The following CDHR4 variants were observed in gnomAD, a reference collection of about 807,000 sequenced individuals.
CDHR4 encodes the protein cadherin related family member 4.
CDHR4 carries 89 observed loss-of-function variants against 88.4 expected under a neutral mutation model. The observed-to-expected ratio is 1.01, with a 90% CI of 0.85 to 1.20. The LOEUF is 1.20. Ranked by LOEUF, CDHR4 falls within the 50% of genes most tolerant of loss-of-function variation. The pLI, the probability that CDHR4 is intolerant of heterozygous loss-of-function variation, is 0.00. For synonymous variants in CDHR4, 368 were observed against 399.2 expected (o/e 0.92, Z 0.93); for missense variants, 914 against 1,007.2 (o/e 0.91, Z 1.25).
intron 1 of CDHR4, 143 bp downstream of exon 1, chr3:49,799,621 C>T (rs2081333271): frequency 1.9e-6 from 2 of 1,069,630 alleles, no homozygotes; most frequent in South Asian, 3.1e-5. Flanking sequence ...GAGGAAGTGG[C>T]CAAGAGAAGG....
At chr3:49,800,882 CAAAAAAA>C (rs765360361), upstream of CDHR4, among the ~76,000 whole-genome samples, 40 of 54,932 alleles carry the variant, frequency 7.3e-4, no homozygotes, top group Admixed American at 1.2e-3. Flanking sequence ...CCTGTCTCTA[CAAAAAAA>C]AAAAAAAAAA....
chr3:49,790,826 T>G lies in CDHR4; in HGVS notation c.*6A>C, dbSNP rs2081165192. 6 of 1,550,796 alleles carry G rather than the reference T, an allele frequency of 3.9e-6. No individual in the cohort carries two copies. Among genetic ancestry groups the G allele is most frequent in the Non-Finnish European group, 5.2e-6 (6 of 1,146,564 alleles). The stretch of plus-strand genomic sequence containing the variant: ...ATTCCACACATAGTAAGACAGCTAC[T>G]TGGCCTCAGAGCCAGCGCCGGGCTC... On this transcript the variant is annotated 3_prime_UTR_variant, in exon 19 of 19. Coordinates refer to ENST00000412678, the MANE Select transcript of CDHR4 (RefSeq NM_001007540.4).
Position 49,795,120 on chromosome 3 carries a change from G to A in CDHR4, c.1032-20C>T. 1 of 1,551,630 alleles carries A rather than the reference G, an allele frequency of 6.4e-7. No homozygotes were observed. Among genetic ancestry groups the A allele is most frequent in the East Asian group, 2.4e-5 (1 of 40,926 alleles). ...TGGGACCTGAGAGTATGCAGTGGCA[G>A]CAAGGCAGGAGTCTGGCAGTACCCT... On this transcript the variant is annotated intron_variant, in intron 8 of 18. Transcript: ENST00000412678. This position sits in a 1 kb window ranked among gnomAD's most constrained non-coding sequence, Gnocchi z 5.4.
chr3:49,795,959 T>C lies in CDHR4; in HGVS notation c.694A>G (p.Ser232Gly). 6.5e-7 allele frequency: 1 copy of C among 1,543,142 alleles called. No individual in the cohort carries two copies. The highest frequency in any genetic ancestry group is 8.7e-7 in the Non-Finnish European group (1 of 1,143,058). ...GAGCCTTACAGGAAGGAGACCTGGC[T>C]GGAGGGAACAGGCAAAACCTTCACT... The part of the protein sequence containing the change: ...VIVKVLPVPS[S>G]QVSFLEQAQN... The change falls in exon 6 of 19, where the codon AGC becomes GGC. Residue 232 changes from serine to glycine, a missense_variant. Ser to Gly is a moderately conservative substitution (Grantham distance 56, BLOSUM62 0). Coordinates refer to ENST00000412678, the MANE Select transcript of CDHR4 (RefSeq NM_001007540.4). The surrounding 1 kb of genome is among the most constrained non-coding windows in gnomAD (Gnocchi z 5.4).
intron 10 of CDHR4, 52 bp downstream of exon 10, chr3:49,794,556 G>T: frequency 7.1e-7 from 1 of 1,402,596 alleles, no homozygotes; most frequent in Non-Finnish European, 9.8e-7. Flanking sequence ...ATGGGAAGCG[G>T]GAGGACAGAA....
In CDHR4 at chr3:49,795,274, G is replaced by T. The variant is rs1342264084; in HGVS notation, c.953C>A (p.Ala318Asp). ...CATGGTGAGATTGAGCTTGGCACTGGCCCACAGCTGGCCCTGCTCAAAGGC... is the reference window on the plus strand; with the variant it reads ...CATGGTGAGATTGAGCTTGGCACTGTCCCACAGCTGGCCCTGCTCAAAGGC... Reference protein sequence around the residue: ...VKAFEQGQLWASAKLNLTMNV... With the variant: ...VKAFEQGQLWDSAKLNLTMNV... The change falls in exon 8 of 19, where the codon GCC becomes GAC. Residue 318 changes from alanine (A) to aspartate (D), a missense_variant. By Grantham distance (126) the Ala-to-Asp change is moderately radical (BLOSUM62 -2). Coordinates refer to ENST00000412678, the MANE Select transcript of CDHR4 (RefSeq NM_001007540.4). The surrounding 1 kb of genome is among the most constrained non-coding windows in gnomAD (Gnocchi z 5.4). 9 of 1,551,540 alleles carry T rather than the reference G, an allele frequency of 5.8e-6. No individual in the cohort carries two copies. The African/African-American group carries it at 9.6e-5, about 17-fold the overall frequency.
Position 49,798,999 on chromosome 3 carries a change from C to T in CDHR4, c.398G>A (p.Ser133Asn). The T allele has an allele frequency of 6.2e-7, 1 of 1,609,514 alleles. No individual in the cohort carries two copies. The highest frequency in any genetic ancestry group is 8.5e-7 in the Non-Finnish European group (1 of 1,178,128). The change falls in exon 3 of 19, where the codon AGC becomes AAC. Residue 133 changes from serine to asparagine, a missense_variant. Ser to Asn is a conservative substitution (Grantham distance 46). Transcript: ENST00000412678. Reference sequence around the variant, plus strand: ...CCGGCTGCCCCTGGCCTCACCTGGGCTGGCAAATTGACCAGCACACTGGAT... The same window carrying T: ...CCGGCTGCCCCTGGCCTCACCTGGGTTGGCAAATTGACCAGCACACTGGAT... ...SHIQCAGQFA[S>N]PAGEMIQVPE...
At chr3:49,801,591 TC>T (rs1559426389), upstream of CDHR4, among the ~76,000 whole-genome samples, 1 of 152,226 alleles carries the variant, frequency 6.6e-6, no homozygotes, top group Non-Finnish European at 1.5e-5. Context: ...CCATAAATGA[TC>T]ATTGGATTTT....
At position 49,795,796 on chromosome 3, in the gene CDHR4, C is replaced by T. The variant is rs1461779134; in HGVS notation, c.711-32G>A. ...CAAAAGGGGGGCACTGGTTCCTGCC[C>T]ATTCCTGCTCAACCTGTGGGTCCAC... On this transcript the variant is annotated intron_variant, in intron 6 of 18. Transcript: ENST00000412678. The surrounding 1 kb of genome is among the most constrained non-coding windows in gnomAD (Gnocchi z 5.4). The T allele has an allele frequency of 6.4e-7, 1 of 1,550,896 alleles. No homozygotes were observed. The highest frequency in any genetic ancestry group is 1.2e-5 in the South Asian group (1 of 83,934).
At chr3:49,798,691 C>G in intron 4 of CDHR4, 135 bp downstream of exon 4, 1 of 774,820 alleles carries the variant, frequency 1.3e-6, no homozygotes. Context: ...CAAGAACATA[C>G]ATCATGTAGA....
intron 4 of CDHR4, among the ~76,000 whole-genome samples, chr3:49,797,288 C>CT (rs1166514242): frequency 1.4e-5 from 2 of 147,600 alleles, no homozygotes; most frequent in East Asian, 2.0e-4. Context: ...TTCCTTCTTT[C>CT]TTTTTTTTGA....
chr3:49,792,415 G>T, intron 15 of CDHR4, 53 bp downstream of exon 15: 1 of 1,543,592 alleles, frequency 6.5e-7, no homozygotes, highest in Non-Finnish European at 8.8e-7. Flanking sequence ...ATCACAACTG[G>T]GGTCCATAGG....
intron 16 of CDHR4, 32 bp downstream of exon 16, chr3:49,791,871 C>T: frequency 6.4e-7 from 1 of 1,551,626 alleles, no homozygotes; most frequent in Non-Finnish European, 8.7e-7. Context: ...GAGATGGGAT[C>T]CCAGGCATAG....
chr3:49,791,845 C>T, intron 16 of CDHR4, 44 bp from the exon 17 acceptor site: 5 of 1,551,462 alleles, frequency 3.2e-6, no homozygotes, highest in Non-Finnish European at 4.4e-6. Flanking sequence ...GGCTCTGGGC[C>T]CTAACCTGAG....
At chr3:49,792,736 C>G in intron 14 of CDHR4, 118 bp downstream of exon 14, 1 of 1,457,320 alleles carries the variant, frequency 6.9e-7, no homozygotes, top group Non-Finnish European at 9.2e-7. Flanking sequence ...CTGGGCTCTC[C>G]GCACTCTGCG....
chr3:49,795,282 C>T lies in CDHR4; in HGVS notation c.945G>A (p.Gln315=). 1.9e-6 allele frequency: 3 copies of T among 1,551,678 alleles called. No individual in the cohort carries two copies. The highest frequency in any genetic ancestry group is 2.4e-5 in the East Asian group (1 of 40,920). Residue 315 remains glutamine (Q), a synonymous_variant, in exon 8 of 19, where the codon CAG becomes CAA. Transcript: ENST00000412678. The surrounding 1 kb of genome is among the most constrained non-coding windows in gnomAD (Gnocchi z 5.4). ...RLQVKAFEQG[Q]LWASAKLNLT... is the part of the protein sequence containing the mutation. ...GATTGAGCTTGGCACTGGCCCACAG[C>T]TGGCCCTGCTCAAAGGCCTTCACCT...
At chr3:49,798,786 C>T (rs963867748) in intron 4 of CDHR4, 40 bp downstream of exon 4, 1 of 1,588,366 alleles carries the variant, frequency 6.3e-7, no homozygotes, top group Non-Finnish European at 8.6e-7. Context: ...CATCCCCCCA[C>T]CCCCATCCTG....
Position 49,799,754 on chromosome 3 carries a change from ACCT to A in CDHR4, c.49+7_49+9del, listed in dbSNP as rs1245522923. ...GAAAACTACGGTTCCCCCACCCACCACCTCCTCACCAGAGACCACCGGAGCAAA... is the reference window on the plus strand; with the variant it reads ...GAAAACTACGGTTCCCCCACCCACCACCTCACCAGAGACCACCGGAGCAAA... On this transcript the variant is annotated splice_region_variant and intron_variant, in intron 1 of 18. Coordinates refer to ENST00000412678, the MANE Select transcript of CDHR4 (RefSeq NM_001007540.4). The A allele has an allele frequency of 6.2e-7, 1 of 1,613,306 alleles. No homozygotes were observed. The highest frequency in any genetic ancestry group is 8.5e-7 in the Non-Finnish European group (1 of 1,179,728).
At chr3:49,797,092 C>G in intron 4 of CDHR4, 60 bp from the exon 5 acceptor site, 2 of 1,404,104 alleles carry the variant, frequency 1.4e-6, no homozygotes, top group Non-Finnish European at 2.0e-6. Flanking sequence ...GCACCCCCAT[C>G]GACAACCCAG....
Sources: allele counts gnomAD v4.1 joint callset (sites outside exome capture counted in the v4.1 genomes callset), GRCh38; gene constraint gnomAD v4.1.1; non-coding constraint Gnocchi (gnomAD v3.1); transcripts MANE v1.5; gene names NCBI Gene and HGNC (gene_info 2026-07-23, HGNC 2026-07-21).